Variants in NOL4 observed in about 807,000 individuals in gnomAD.
NOL4 encodes the protein cancer/testis antigen 125.
In NOL4, 17 loss-of-function variants were observed where a neutral mutation model predicts 75.9. That is an observed-to-expected ratio of 0.22 (90% CI 0.15 to 0.34). NOL4 has a LOEUF of 0.34. Ranked by LOEUF, NOL4 falls within the 10% of genes least tolerant of loss-of-function variation. The pLI, the probability that NOL4 is intolerant of heterozygous loss-of-function variation, is 1.00. For synonymous variants in NOL4, 292 were observed against 289.9 expected, an observed-to-expected ratio of 1.01 and a Z score of -0.07; for missense variants, 614 against 793.5, an observed-to-expected ratio of 0.77 and a Z score of 2.72.
At chr18:34,056,037 A>T (rs894324053) in intron 5 of NOL4, among the ~76,000 whole-genome samples, 1 of 152,110 alleles carries the variant, frequency 6.6e-6, no homozygotes, top group Admixed American at 6.5e-5. Flanking sequence ...GATTTTGTTT[A>T]GTCATCTCTC....
At chr18:34,011,413 C>A (rs1315458762) in intron 6 of NOL4, among the ~76,000 whole-genome samples, 1 of 151,458 alleles carries the variant, frequency 6.6e-6, no homozygotes, top group African/African-American at 2.4e-5. Context: ...ATTCTTTCTC[C>A]AAATTTGGGT....
intron 1 of NOL4, among the ~76,000 whole-genome samples, chr18:34,155,883 A>G (rs959142314): frequency 6.6e-6 from 1 of 152,116 alleles, no homozygotes; most frequent in African/African-American, 2.4e-5. Flanking sequence ...CTTCATATCC[A>G]TTTTCTTTCT....
chr18:34,066,781 T>C (rs538361802), intron 5 of NOL4, among the ~76,000 whole-genome samples: 2 of 151,862 alleles, frequency 1.3e-5, no homozygotes, highest in East Asian at 3.9e-4. Context: ...TGGCTTTTTC[T>C]ATTCTATCTC....
In NOL4 at chr18:34,050,507, C is replaced by T. The variant is rs367953222; in HGVS notation, c.773-30906G>A. Among the ~76,000 whole-genome samples the T allele has an allele frequency of 8.5e-5, 13 of 152,088 alleles. No individual in the cohort carries two copies. In the East Asian group the frequency reaches 2.5e-3, roughly 29 times the overall value. Reference sequence around the variant, plus strand: ...ATCGATCATATTATATATTGTCTAGCTTCCCCAAGAAGACAATATTGTTTG... The same window carrying T: ...ATCGATCATATTATATATTGTCTAGTTTCCCCAAGAAGACAATATTGTTTG... On this transcript the variant is annotated intron_variant, in intron 5 of 10. Transcript: ENST00000261592.
At position 34,207,961 on chromosome 18, in the gene NOL4, G is replaced by A. The variant is rs1010991737; in HGVS notation, c.264+15029C>T. 2.0e-5 allele frequency among the ~76,000 whole-genome samples: 3 copies of A among 152,094 alleles called. No homozygotes were observed. In the East Asian group the frequency reaches 5.8e-4, roughly 29 times the overall value. On this transcript the variant is annotated intron_variant, in intron 1 of 10. Coordinates refer to ENST00000261592, the MANE Select transcript of NOL4 (RefSeq NM_003787.5). Reference sequence around the variant, plus strand: ...TCATGCTAGGCTATTAGTGAAAATGGGAGGAAAAAAATAGACATGGTGATC... The same window carrying A: ...TCATGCTAGGCTATTAGTGAAAATGAGAGGAAAAAAATAGACATGGTGATC...
intron 1 of NOL4, among the ~76,000 whole-genome samples, chr18:34,176,561 G>C (rs2033562583): frequency 6.6e-6 from 1 of 152,052 alleles, no homozygotes; most frequent in Non-Finnish European, 1.5e-5. Context: ...AAATATAATG[G>C]TATTTGGAAA....
chr18:33,915,629 T>C (rs2066673660), intron 9 of NOL4, among the ~76,000 whole-genome samples: 1 of 152,048 alleles, frequency 6.6e-6, no homozygotes, highest in African/African-American at 2.4e-5. Context: ...GAAGGCGAGA[T>C]ATATGGCTTC....
At chr18:34,145,314 T>A (rs1272973878) in intron 1 of NOL4, among the ~76,000 whole-genome samples, 1 of 152,036 alleles carries the variant, frequency 6.6e-6, no homozygotes, top group Non-Finnish European at 1.5e-5. Context: ...GTATTATCAA[T>A]CAGATATTCT....
intron 1 of NOL4, among the ~76,000 whole-genome samples, chr18:34,192,994 T>C (rs12953888): frequency 0.62 from 93,987 of 151,998 alleles, 29,593 homozygotes; most frequent in African/African-American, 0.74. Context: ...CCTTAGATTT[T>C]CTAACCTCCA....
intron 1 of NOL4, among the ~76,000 whole-genome samples, chr18:34,165,147 C>T (rs1385532310): frequency 7.3e-5 from 11 of 151,028 alleles, no homozygotes; most frequent in African/African-American, 1.9e-4. Flanking sequence ...TGCTAAATGA[C>T]GAGTTAATGG....
intron 1 of NOL4, among the ~76,000 whole-genome samples, chr18:34,204,315 G>A (rs1045947895): frequency 6.6e-6 from 1 of 152,004 alleles, no homozygotes; most frequent in African/African-American, 2.4e-5. Flanking sequence ...AATATGTATT[G>A]TTTAATTCAC....
At chr18:33,966,835 T>C (rs2070642920) in intron 6 of NOL4, among the ~76,000 whole-genome samples, 2 of 152,064 alleles carry the variant, frequency 1.3e-5, no homozygotes, top group African/African-American at 4.8e-5. Context: ...AGAGATGACA[T>C]AAGCAAATGG....
intron 5 of NOL4, among the ~76,000 whole-genome samples, chr18:34,079,484 T>C (rs951154965): frequency 1.3e-5 from 2 of 152,002 alleles, no homozygotes; most frequent in Admixed American, 1.3e-4. Flanking sequence ...CCATTGTTGC[T>C]GAACCCTTCA....
intron 8 of NOL4, among the ~76,000 whole-genome samples, chr18:33,947,481 C>T (rs2068919559): frequency 1.3e-5 from 2 of 151,692 alleles, no homozygotes; most frequent in African/African-American, 4.8e-5. Flanking sequence ...AAACCAAATG[C>T]AATAAATTCA....
intron 6 of NOL4, among the ~76,000 whole-genome samples, chr18:33,978,847 G>A (rs988976040): frequency 6.6e-6 from 1 of 151,260 alleles, no homozygotes; most frequent in Non-Finnish European, 1.5e-5. Flanking sequence ...TTAATTTTAA[G>A]TTTTTTAAAA....
intron 10 of NOL4, among the ~76,000 whole-genome samples, chr18:33,880,934 T>C (rs1015979694): frequency 6.6e-6 from 1 of 152,008 alleles, no homozygotes; most frequent in Non-Finnish European, 1.5e-5. Context: ...ATGTATTAAA[T>C]GGCCTTGTTT....
intron 5 of NOL4, among the ~76,000 whole-genome samples, chr18:34,076,690 G>T (rs2077760101): frequency 6.6e-6 from 1 of 152,018 alleles, no homozygotes; most frequent in Non-Finnish European, 1.5e-5. Flanking sequence ...TTCAAAGATG[G>T]GCTCCTTAAT....
At chr18:33,998,366 C>T (rs115355751) in intron 6 of NOL4, among the ~76,000 whole-genome samples, 18 of 152,124 alleles carry the variant, frequency 1.2e-4, no homozygotes, top group African/African-American at 4.3e-4. Flanking sequence ...ATTTGCTTAC[C>T]TCTTTTTTAT....
intron 10 of NOL4, among the ~76,000 whole-genome samples, chr18:33,871,268 G>A (rs1439632994): frequency 6.6e-6 from 1 of 152,018 alleles, no homozygotes; most frequent in African/African-American, 2.4e-5. Flanking sequence ...AATGATTCAA[G>A]TAGACAGACC....
Sources: gnomAD v4.1 joint callset for allele counts (sites outside exome capture counted in the v4.1 genomes callset) on GRCh38, gnomAD v4.1.1 for gene constraint, MANE v1.5 for transcripts, NCBI Gene and HGNC (gene_info 2026-07-23, HGNC 2026-07-21) for gene names.